ZNF644: variants seen among roughly 807,000 people sequenced by gnomAD.
ZNF644 encodes the protein zinc finger motif enhancer binding protein 2.
ZNF644 carries 20 observed loss-of-function variants against 108.0 expected under a neutral mutation model. The observed-to-expected ratio is 0.19, with a 90% CI of 0.13 to 0.27. ZNF644 has a LOEUF of 0.27. ZNF644 is among the 10% of genes least tolerant of loss of function. ZNF644 has a pLI of 1.00. For synonymous variants in ZNF644, 542 were observed against 539.1 expected, an observed-to-expected ratio of 1.01 and a Z score of -0.08; for missense variants, 1,338 against 1,548.9, an observed-to-expected ratio of 0.86 and a Z score of 2.29.
At chr1:91,006,401 T>A (rs1307492099) in intron 1 of ZNF644, among the ~76,000 whole-genome samples, 1 of 151,928 alleles carries the variant, frequency 6.6e-6, no homozygotes, top group East Asian at 1.9e-4. Context: ...AGAGCAAGAC[T>A]CTGTCTCATA....
intron 2 of ZNF644, among the ~76,000 whole-genome samples, chr1:90,966,513 G>T (rs2101198290): frequency 6.6e-6 from 1 of 152,224 alleles, no homozygotes; most frequent in African/African-American, 2.4e-5. Context: ...ACTTTGGGAG[G>T]CTAAGGCAGG....
intron 2 of ZNF644, among the ~76,000 whole-genome samples, chr1:90,980,634 A>T (rs140440084): frequency 1.2e-3 from 179 of 152,348 alleles, no homozygotes; most frequent in African/African-American, 4.0e-3. Flanking sequence ...AAAATAAAAC[A>T]GCAATAAAAA....
intron 1 of ZNF644, among the ~76,000 whole-genome samples, chr1:91,000,009 C>G (rs1658599028): frequency 6.6e-6 from 1 of 152,068 alleles, no homozygotes; most frequent in Non-Finnish European, 1.5e-5. Flanking sequence ...ATATATGCAC[C>G]CAATACAGGA....
chr1:90,954,860 C>T (rs1486879394), intron 2 of ZNF644, among the ~76,000 whole-genome samples: 1 of 152,204 alleles, frequency 6.6e-6, no homozygotes, highest in African/African-American at 2.4e-5. Flanking sequence ...TGACCTCCTC[C>T]CATGAATCAC....
At chr1:90,978,329 G>A (rs1212943835) in intron 2 of ZNF644, among the ~76,000 whole-genome samples, 1 of 150,720 alleles carries the variant, frequency 6.6e-6, no homozygotes. Context: ...TCCAGCCTGG[G>A]CAACAAGAGC....
At chr1:91,017,751 C>G (rs1660554689) in intron 1 of ZNF644, among the ~76,000 whole-genome samples, 2 of 152,140 alleles carry the variant, frequency 1.3e-5, no homozygotes, top group African/African-American at 4.8e-5. Flanking sequence ...CACCTGAGGT[C>G]AGGAGTTCGA....
chr1:90,965,482 G>A (rs571763172), intron 2 of ZNF644, among the ~76,000 whole-genome samples: 5 of 152,278 alleles, frequency 3.3e-5, no homozygotes, highest in Admixed American at 6.5e-5. Context: ...TGAGGTTATA[G>A]TCTGAAGTAG....
chr1:91,019,847 G>A (rs1164607625), intron 1 of ZNF644, among the ~76,000 whole-genome samples: 2 of 152,192 alleles, frequency 1.3e-5, no homozygotes, highest in African/African-American at 4.8e-5. Flanking sequence ...TTACAGGCGT[G>A]AGCCACCGTG....
intron 1 of ZNF644, among the ~76,000 whole-genome samples, chr1:90,985,231 A>G (rs1656978622): frequency 6.6e-6 from 1 of 152,192 alleles, no homozygotes; most frequent in African/African-American, 2.4e-5. Context: ...GTACAATGTG[A>G]TGTTTTGACA....
At position 90,938,502 on chromosome 1, in the gene ZNF644, G is replaced by A. The variant is rs772949956; in HGVS notation, c.2852C>T (p.Ser951Phe). Residue 951 changes from serine (S) to phenylalanine (F), a missense_variant, in exon 3 of 6, where the codon TCT becomes TTT. Around this residue, in one of 6 missense-constraint regions of ZNF644, gnomAD observed 462 missense variants for 472.6 expected, o/e 0.98. Transcript: ENST00000337393. The surrounding 1 kb of genome is among the most constrained non-coding windows in gnomAD (Gnocchi z 4.2). Reference protein sequence around the residue: ...TADASLSKHSSVFHWTDLSLE... With the variant: ...TADASLSKHSFVFHWTDLSLE... The stretch of plus-strand genomic sequence containing the variant: ...AGACAAATCAGTCCAATGAAAAACA[G>A]AACTATGCTTTGACAATGAAGCATC... 2 of 1,613,816 alleles carry A rather than the reference G, an allele frequency of 1.2e-6. No individual in the cohort carries two copies. The highest frequency in any genetic ancestry group is 2.7e-5 in the African/African-American group (2 of 74,898).
Position 90,982,344 on chromosome 1 carries a change from A to G in ZNF644, c.10T>C (p.Phe4Leu), listed in dbSNP as rs1656635835. 1.2e-6 allele frequency: 2 copies of G among 1,610,806 alleles called. No homozygotes were observed. Among genetic ancestry groups the G allele is most frequent in the African/African-American group, 2.7e-5 (2 of 74,902 alleles). The change falls in exon 2 of 6, where the codon TTC (phenylalanine) becomes CTC (leucine). Residue 4 changes from phenylalanine (F) to leucine (L), a missense_variant. Coordinates refer to ENST00000337393, the MANE Select transcript of ZNF644 (RefSeq NM_201269.3). ...GTCTTATTAACATCTTGCTGCAAGA[A>G]CGATCTCATCCAAAATTAAATCAAA... MRS[F>L]LQQDVNKTKS...
intron 5 of ZNF644, among the ~76,000 whole-genome samples, chr1:90,917,327 G>A (rs1364511250): frequency 2.0e-5 from 3 of 152,044 alleles, no homozygotes; most frequent in Non-Finnish European, 4.4e-5. Context: ...TCCTTAAATG[G>A]CATTGTGTCT....
chr1:90,919,872 C>A (rs1649229640), intron 4 of ZNF644, among the ~76,000 whole-genome samples: 2 of 151,970 alleles, frequency 1.3e-5, no homozygotes, highest in African/African-American at 4.8e-5. Context: ...TATTCCTGTA[C>A]AACATTGTGC....
chr1:90,995,390 G>C (rs1251282125), intron 1 of ZNF644, among the ~76,000 whole-genome samples: 1 of 152,068 alleles, frequency 6.6e-6, no homozygotes, highest in African/African-American at 2.4e-5. Context: ...TATCCTAAGA[G>C]ACCAGTAGGA....
chr1:90,944,551 C>T (rs1371830804), intron 2 of ZNF644, among the ~76,000 whole-genome samples: 1 of 149,768 alleles, frequency 6.7e-6, no homozygotes, highest in Non-Finnish European at 1.5e-5. Flanking sequence ...AAGATGTTAC[C>T]TTCTGCATCA....
At chr1:90,925,773 T>C (rs1271918757) in intron 4 of ZNF644, among the ~76,000 whole-genome samples, 1 of 152,190 alleles carries the variant, frequency 6.6e-6, no homozygotes, top group Non-Finnish European at 1.5e-5. Context: ...AAGTATTTTA[T>C]GCTACAATGG....
intron 1 of ZNF644, among the ~76,000 whole-genome samples, chr1:91,011,855 C>T (rs1659982412): frequency 6.6e-6 from 1 of 152,156 alleles, no homozygotes. Context: ...AGCTAACTGA[C>T]ATAATGCCTG....
intron 4 of ZNF644, among the ~76,000 whole-genome samples, chr1:90,934,246 T>C (rs1430222224): frequency 6.6e-6 from 1 of 152,100 alleles, no homozygotes; most frequent in South Asian, 2.1e-4. Context: ...GTATATCAAG[T>C]TAAGGAAGAA....
intron 2 of ZNF644, among the ~76,000 whole-genome samples, chr1:90,952,551 AATC>A (rs1388940511): frequency 6.6e-6 from 1 of 152,190 alleles, no homozygotes; most frequent in Non-Finnish European, 1.5e-5. Context: ...CAGAAACAGA[AATC>A]ACTGTAGACC....
Sources: gnomAD v4.1 joint callset for allele counts (sites outside exome capture counted in the v4.1 genomes callset) on GRCh38, gnomAD v4.1.1 for gene constraint, gnomAD v4.1.1 regional missense constraint, Gnocchi (gnomAD v3.1) non-coding constraint, MANE v1.5 for transcripts, NCBI Gene and HGNC (gene_info 2026-07-23, HGNC 2026-07-21) for gene names.